TENM2: variants seen among roughly 807,000 people sequenced by gnomAD.
TENM2 encodes the protein teneurin transmembrane protein 2, also known as teneurin-2.
In TENM2, 52 loss-of-function variants were observed where a neutral mutation model predicts 245.2. The observed-to-expected ratio is 0.21, with a 90% CI of 0.17 to 0.27. TENM2 has a LOEUF of 0.27. Among genes scored for constraint, TENM2 ranks in the 10% least tolerant of loss-of-function variants. The pLI, the probability that TENM2 is intolerant of heterozygous loss-of-function variation, is 1.00. For missense variants in TENM2, 3,046 were observed against 3,666.8 expected (o/e 0.83, Z 4.37); for synonymous variants, 1,363 against 1,438.9 (o/e 0.95, Z 1.19).
At chr5:167,372,027 G>C (rs1206021931) in intron 1 of TENM2, among the ~76,000 whole-genome samples, 1 of 152,076 alleles carries the variant, frequency 6.6e-6, no homozygotes, top group Admixed American at 6.5e-5. Flanking sequence ...AGGAATTGTG[G>C]GGAAATGGTG....
rs1427627339 is a variant in TENM2, at chr5:168,124,832, T to G, written c.2009-18T>G. The G allele has an allele frequency of 3.1e-6, 5 of 1,592,996 alleles. No individual in the cohort carries two copies. The highest frequency in any genetic ancestry group is 3.4e-6 in the Non-Finnish European group (4 of 1,168,184). On this transcript the variant is annotated intron_variant, in intron 10 of 28. Coordinates refer to ENST00000518659, the Ensembl canonical transcript of TENM2. ...ATTAATACTTTTATTCTTTGGTTTT[T>G]GTTTTTGTTTTTTTCAGTTGATTGC... is the stretch of plus-strand genomic sequence containing the variant.
intron 2 of TENM2, among the ~76,000 whole-genome samples, chr5:167,608,309 G>T (rs920550680): frequency 6.6e-6 from 1 of 152,292 alleles, no homozygotes; most frequent in East Asian, 1.9e-4. Flanking sequence ...GTCTCTTGTA[G>T]CAGGCATCTC....
At chr5:167,035,436 C>G in the TENM2 span, among the ~76,000 whole-genome samples, 1 of 152,222 alleles carries the variant, frequency 6.6e-6, no homozygotes, top group African/African-American at 2.4e-5. Flanking sequence ...TTATTTAAAA[C>G]TTTAATCTAA....
chr5:167,449,944 G>A (rs1022115591), intron 2 of TENM2, among the ~76,000 whole-genome samples: 1 of 152,130 alleles, frequency 6.6e-6, no homozygotes, highest in East Asian at 1.9e-4. Context: ...GGCAACCAGG[G>A]TGAAACTCTG....
At chr5:167,564,034 T>C (rs2080976) in intron 2 of TENM2, among the ~76,000 whole-genome samples, 92,050 of 152,094 alleles carry the variant, frequency 0.61, 28,233 homozygotes, top group East Asian at 0.71. Flanking sequence ...TACCAGCCAT[T>C]GTTCTAAGTG....
chr5:167,351,752 G>C (rs556891756), intron 1 of TENM2, among the ~76,000 whole-genome samples: 1 of 152,182 alleles, frequency 6.6e-6, no homozygotes, highest in East Asian at 1.9e-4. Context: ...TCAAAAGTTT[G>C]CTGGCCCCAA....
intron 12 of TENM2, among the ~76,000 whole-genome samples, chr5:168,155,759 A>G (rs998253845): frequency 6.6e-6 from 1 of 152,138 alleles, no homozygotes; most frequent in Non-Finnish European, 1.5e-5. Context: ...CTTACCACTA[A>G]CTATGATAGC....
chr5:167,293,798 G>C (rs964129901), intron 1 of TENM2, among the ~76,000 whole-genome samples: 27 of 152,078 alleles, frequency 1.8e-4, no homozygotes, highest in Admixed American at 7.2e-4. Context: ...AAATTTGTTA[G>C]ATTCCTGCCT....
chr5:167,409,340 T>A (rs944680671), intron 2 of TENM2, among the ~76,000 whole-genome samples: 10 of 152,028 alleles, frequency 6.6e-5, no homozygotes, highest in African/African-American at 2.2e-4. Flanking sequence ...TGAGAATGTC[T>A]GGGCTAAGCA....
intron 25 of TENM2, among the ~76,000 whole-genome samples, chr5:168,231,558 A>G (rs1764905352): frequency 6.6e-6 from 1 of 152,206 alleles, no homozygotes; most frequent in Non-Finnish European, 1.5e-5. Flanking sequence ...GGTGAGCCCT[A>G]CCTGGACTTC....
chr5:168,065,867 T>TC (rs70976459), intron 7 of TENM2, among the ~76,000 whole-genome samples: 1 of 151,682 alleles, frequency 6.6e-6, no homozygotes, highest in Non-Finnish European at 1.5e-5. Context: ...TTTTTTTTTT[T>TC]CTTGTTTATG....
At chr5:167,072,419 C>T in the TENM2 span, among the ~76,000 whole-genome samples, 2 of 151,918 alleles carry the variant, frequency 1.3e-5, no homozygotes, top group Middle Eastern at 3.2e-3. Context: ...TTGGTTGGTG[C>T]GGAGGGCAGG....
At chr5:167,280,960 C>A (rs1771022354), upstream of TENM2, among the ~76,000 whole-genome samples, 1 of 151,882 alleles carries the variant, frequency 6.6e-6, no homozygotes, top group African/African-American at 2.4e-5. Context: ...ATGTTCAGGG[C>A]TTTTAGCTGT....
chr5:168,018,989 G>T (rs1371578188), intron 5 of TENM2, among the ~76,000 whole-genome samples: 2 of 152,184 alleles, frequency 1.3e-5, no homozygotes, highest in African/African-American at 4.8e-5. Flanking sequence ...TCGTCTGTCT[G>T]TTGGTATCAG....
At chr5:167,199,209 A>G in the TENM2 span, among the ~76,000 whole-genome samples, 3 of 152,038 alleles carry the variant, frequency 2.0e-5, no homozygotes, top group African/African-American at 7.2e-5. Flanking sequence ...TGCTGATGGC[A>G]TCACATAAAT....
At chr5:167,512,366 T>A (rs759643400) in intron 2 of TENM2, among the ~76,000 whole-genome samples, 1 of 152,176 alleles carries the variant, frequency 6.6e-6, no homozygotes, top group Non-Finnish European at 1.5e-5. Flanking sequence ...TTTTTAAATT[T>A]GAGTTTCATC....
chr5:167,590,917 T>G (rs1313432520), intron 2 of TENM2, among the ~76,000 whole-genome samples: 1 of 152,226 alleles, frequency 6.6e-6, no homozygotes, highest in East Asian at 1.9e-4. Flanking sequence ...CTTCTCTTCT[T>G]GAGAAAACAA....
Position 167,988,669 on chromosome 5 carries a change from G to A in TENM2, c.948-4275G>A, listed in dbSNP as rs1405438958. Reference sequence around the variant, plus strand: ...GGATGGAGTGAGGGAGGACAACAGAGGTGGAAGCTTCAGTGGGAGAGGTAG... The same window carrying A: ...GGATGGAGTGAGGGAGGACAACAGAAGTGGAAGCTTCAGTGGGAGAGGTAG... On this transcript the variant is annotated intron_variant, in intron 4 of 28. Transcript: ENST00000518659. Among the ~76,000 whole-genome samples the A allele has an allele frequency of 2.6e-5, 4 of 152,306 alleles. No homozygotes were observed. In the East Asian group the frequency reaches 7.7e-4, roughly 29 times the overall value.
chr5:167,934,974 G>A (rs1778587284), intron 3 of TENM2: 1 of 944,732 alleles, frequency 1.1e-6, no homozygotes, highest in African/African-American at 1.8e-5. Flanking sequence ...CAAAGAAAGG[G>A]GGTGGGAAAG....
Sources: gnomAD v4.1 joint callset for allele counts (sites outside exome capture counted in the v4.1 genomes callset) on GRCh38, gnomAD v4.1.1 for gene constraint, MANE v1.5 for transcripts, NCBI Gene and HGNC (gene_info 2026-07-23, HGNC 2026-07-21) for gene names.